The following EEFSEC variants were observed in gnomAD, a reference collection of about 807,000 sequenced individuals.
EEFSEC encodes the protein selenocysteine-specific elongation factor.
A neutral mutation model predicts 42.1 loss-of-function variants in EEFSEC; 43 were observed. That is an observed-to-expected ratio of 1.02 (90% CI 0.80 to 1.32). The LOEUF (loss-of-function observed/expected upper bound fraction) is 1.32, where lower values mean the gene tolerates loss of function less well. Ranked by LOEUF, EEFSEC falls within the 40% of genes most tolerant of loss-of-function variation. The probability of loss-of-function intolerance (pLI) is 0.00; values close to 1 mark genes in which losing one functional copy is unlikely to be tolerated. For missense variants in EEFSEC, 745 were observed against 803.6 expected (o/e 0.93, Z 0.88); for synonymous variants, 354 against 339.1 (o/e 1.04, Z -0.48).
intron 1 of EEFSEC, among the ~76,000 whole-genome samples, chr3:128,243,080 C>T (rs1576575012): frequency 6.6e-6 from 1 of 152,216 alleles, no homozygotes; most frequent in East Asian, 1.9e-4. Flanking sequence ...TGCCAGGCAG[C>T]AGGCAGTTGC....
At chr3:128,171,882 AATG>A (rs956943529) in intron 1 of EEFSEC, among the ~76,000 whole-genome samples, 1 of 152,204 alleles carries the variant, frequency 6.6e-6, no homozygotes, top group Non-Finnish European at 1.5e-5. Context: ...ACAACAAAAA[AATG>A]ATATGTTTAA....
At chr3:128,267,992 T>C (rs1392503539) in intron 4 of EEFSEC, among the ~76,000 whole-genome samples, 2 of 152,186 alleles carry the variant, frequency 1.3e-5, no homozygotes, top group African/African-American at 2.4e-5. Context: ...AGAAACAGGC[T>C]GATAGAACAA....
intron 5 of EEFSEC, among the ~76,000 whole-genome samples, chr3:128,348,283 TGTGTGTGTGC>T (rs2067340766): frequency 1.6e-5 from 2 of 125,834 alleles, no homozygotes; most frequent in African/African-American, 6.9e-5. Context: ...TGTGCGTGTG[TGTGTGTGTGC>T]GTGTGTGTGT....
chr3:128,205,324 C>T (rs1191604769), intron 1 of EEFSEC, among the ~76,000 whole-genome samples: 1 of 152,148 alleles, frequency 6.6e-6, no homozygotes, highest in Non-Finnish European at 1.5e-5. Flanking sequence ...GAGACAAACA[C>T]AGAAGCCCCC....
At chr3:128,282,057 C>G (rs993880643) in intron 4 of EEFSEC, among the ~76,000 whole-genome samples, 1 of 152,224 alleles carries the variant, frequency 6.6e-6, no homozygotes, top group African/African-American at 2.4e-5. Flanking sequence ...CCACAGGTCC[C>G]GTGCTCCCCA....
chr3:128,388,266 G>T (rs1385284065), intron 6 of EEFSEC, among the ~76,000 whole-genome samples: 2 of 152,112 alleles, frequency 1.3e-5, no homozygotes, highest in Non-Finnish European at 2.9e-5. Context: ...TCTTGCCCCC[G>T]CCTCCACTAA....
chr3:128,406,004 C>G (rs982862104), intron 6 of EEFSEC, among the ~76,000 whole-genome samples: 6 of 152,236 alleles, frequency 3.9e-5, no homozygotes, highest in Non-Finnish European at 8.8e-5. Context: ...CACTGGGGCT[C>G]CCTGTCCCAT....
chr3:128,312,025 A>G (rs1040535422), intron 4 of EEFSEC, among the ~76,000 whole-genome samples: 1 of 152,178 alleles, frequency 6.6e-6, no homozygotes, highest in South Asian at 2.1e-4. Context: ...GTCAGTGCTC[A>G]TCAATGCTGA....
In EEFSEC at chr3:128,408,366, C is replaced by T. The variant is rs372163308; in HGVS notation, c.*107C>T. On this transcript the variant is annotated 3_prime_UTR_variant, in exon 7 of 7. Coordinates refer to ENST00000254730, the MANE Select transcript of EEFSEC (RefSeq NM_021937.5). ...CCTCTCCCAGTCTCTCCCTGCAGTC[C>T]TGCAGCAGCAGCCCCCACCCCCAAG... 4.1e-6 allele frequency: 5 copies of T among 1,225,504 alleles called. No individual in the cohort carries two copies. Among genetic ancestry groups the T allele is most frequent in the Admixed American group, 2.6e-5 (1 of 39,114 alleles). The allele number at this position is 1,225,504 out of a possible 1,614,324, so 75.9% of individuals were successfully genotyped here.
intron 6 of EEFSEC, among the ~76,000 whole-genome samples, chr3:128,399,596 C>A (rs56814892): frequency 0.09 from 13,764 of 152,098 alleles, 1,429 homozygotes; most frequent in African/African-American, 0.25. Flanking sequence ...GCCGGCCCCC[C>A]CCAGCCAGCG....
In EEFSEC at chr3:128,216,452, C is replaced by T. The variant is rs532456244; in HGVS notation, c.317-30384C>T. Among the ~76,000 whole-genome samples, 8 of 152,322 alleles carry T rather than the reference C, an allele frequency of 5.3e-5. No individual in the cohort carries two copies. In the South Asian group the frequency reaches 1.7e-3, roughly 32 times the overall value. ...TGGGAGCAGCAGAGCTGTGCCTGGGCTGGGCATGCTAAGCCCAAGTTGGAG... is the reference window on the plus strand; with the variant it reads ...TGGGAGCAGCAGAGCTGTGCCTGGGTTGGGCATGCTAAGCCCAAGTTGGAG... On this transcript the variant is annotated intron_variant, in intron 1 of 6. Coordinates refer to ENST00000254730, the MANE Select transcript of EEFSEC (RefSeq NM_021937.5).
At chr3:128,252,304 G>A (rs2066195439) in intron 2 of EEFSEC, among the ~76,000 whole-genome samples, 1 of 152,180 alleles carries the variant, frequency 6.6e-6, no homozygotes, top group Non-Finnish European at 1.5e-5. Flanking sequence ...TAGCTTTGTG[G>A]CTGACTAACT....
intron 4 of EEFSEC, among the ~76,000 whole-genome samples, chr3:128,310,489 C>T (rs1262797727): frequency 6.6e-6 from 1 of 152,210 alleles, no homozygotes. Flanking sequence ...AGTGGCCTTG[C>T]GCCTATCCCC....
At chr3:128,356,327 G>A (rs2067453785) in intron 5 of EEFSEC, among the ~76,000 whole-genome samples, 1 of 152,142 alleles carries the variant, frequency 6.6e-6, no homozygotes, top group Admixed American at 6.5e-5. Context: ...TGCAATGCTG[G>A]AGGACAGGTC....
chr3:128,243,129 C>A (rs1475889661), intron 1 of EEFSEC, among the ~76,000 whole-genome samples: 2 of 152,182 alleles, frequency 1.3e-5, no homozygotes, highest in Non-Finnish European at 2.9e-5. Context: ...AGTCTGGTTC[C>A]CAGTGTGGCC....
chr3:128,202,836 T>C (rs2065656661), intron 1 of EEFSEC, among the ~76,000 whole-genome samples: 5 of 152,232 alleles, frequency 3.3e-5, no homozygotes, highest in Admixed American at 3.3e-4. Flanking sequence ...CTCCTGTTCC[T>C]AGTGTGGTGA....
Position 128,383,261 on chromosome 3 carries a change from C to T in EEFSEC, c.1601-24808C>T, listed in dbSNP as rs554054948. On this transcript the variant is annotated intron_variant, in intron 6 of 6. Coordinates refer to ENST00000254730, the MANE Select transcript of EEFSEC (RefSeq NM_021937.5). Reference sequence around the variant, plus strand: ...GCCTGTCCCCGTTACAGAAATAACTCACACCATGCTGGACCCCCACCCCTG... The same window carrying T: ...GCCTGTCCCCGTTACAGAAATAACTTACACCATGCTGGACCCCCACCCCTG... Among the ~76,000 whole-genome samples the T allele has an allele frequency of 2.0e-5, 3 of 152,332 alleles. No homozygotes were observed. The East Asian group carries it at 5.8e-4, about 29-fold the overall frequency.
chr3:128,321,300 A>G (rs1257025539), intron 4 of EEFSEC, among the ~76,000 whole-genome samples: 3 of 152,036 alleles, frequency 2.0e-5, no homozygotes, highest in African/African-American at 4.8e-5. Context: ...CAGATTTATA[A>G]TTGCTCTCAT....
chr3:128,184,099 T>C (rs535155209), intron 1 of EEFSEC, among the ~76,000 whole-genome samples: 157 of 152,348 alleles, frequency 1.0e-3, no homozygotes, highest in Non-Finnish European at 4.1e-4. Context: ...TGATCTGGCC[T>C]TCCAGATACC....
Sources: gnomAD v4.1 joint callset for allele counts (sites outside exome capture counted in the v4.1 genomes callset) on GRCh38, gnomAD v4.1.1 for gene constraint, MANE v1.5 for transcripts, NCBI Gene and HGNC (gene_info 2026-07-23, HGNC 2026-07-21) for gene names.